PLCXD2: variants seen among roughly 807,000 people sequenced by gnomAD.
PLCXD2 encodes phosphatidylinositol specific phospholipase C X domain containing 2.
In PLCXD2, 21 loss-of-function variants were observed where a neutral mutation model predicts 28.6. The ratio of observed to expected loss-of-function variants is 0.73; its 90% confidence interval spans 0.52 to 1.06. The LOEUF is 1.06. Ranked by LOEUF, PLCXD2 falls within the 50% of genes least tolerant of loss-of-function variation. PLCXD2 has a pLI of 0.00. For missense variants in PLCXD2, 369 were observed against 376.7 expected (o/e 0.98, Z 0.17); for synonymous variants, 140 against 150.1 (o/e 0.93, Z 0.49).
At chr3:111,690,167 C>T (rs1422295295) in intron 1 of PLCXD2, among the ~76,000 whole-genome samples, 1 of 152,168 alleles carries the variant, frequency 6.6e-6, no homozygotes, top group East Asian at 1.9e-4. Context: ...CATTTAATTG[C>T]ATTTGAATAA....
chr3:111,722,189 T>G (rs1229095875), intron 3 of PLCXD2: 1 of 151,528 alleles, frequency 6.6e-6, no homozygotes, highest in Admixed American at 6.6e-5. Context: ...TTTGATTTAT[T>G]TATTTATTTA....
intron 1 of PLCXD2, among the ~76,000 whole-genome samples, chr3:111,690,976 T>C (rs1940869092): frequency 6.6e-6 from 1 of 152,186 alleles, no homozygotes; most frequent in African/African-American, 2.4e-5. Flanking sequence ...ACATAAATGC[T>C]AAACAATAAG....
intron 1 of PLCXD2, among the ~76,000 whole-genome samples, chr3:111,688,029 G>T (rs1940821880): frequency 6.6e-6 from 1 of 152,116 alleles, no homozygotes; most frequent in East Asian, 1.9e-4. Context: ...GAGGCACTAT[G>T]AAAAAGTAGT....
At chr3:111,714,192 T>C in intron 3 of PLCXD2, 64 bp downstream of exon 3, 1 of 1,532,086 alleles carries the variant, frequency 6.5e-7, no homozygotes, top group Non-Finnish European at 8.8e-7. Flanking sequence ...GATTCTATTC[T>C]GAGTAAATCG....
chr3:111,685,828 G>C (rs1041001992), intron 1 of PLCXD2, among the ~76,000 whole-genome samples: 1 of 152,164 alleles, frequency 6.6e-6, no homozygotes. Context: ...TTTGGAGTAG[G>C]GATTGGGGTC....
rs1559796591 is a variant in PLCXD2, at chr3:111,708,309, G to GC, written c.549dup (p.Phe184LeufsTer70). The GC allele has an allele frequency of 6.2e-7, 1 of 1,614,162 alleles. No homozygotes were observed. On this transcript the variant is annotated frameshift_variant, in exon 2 of 5. Coordinates refer to ENST00000477665, the MANE Select transcript of PLCXD2 (RefSeq NM_001185106.1). LOFTEE classifies it high-confidence loss of function. ...ATGCCTGGTTCTGCGGATCCAGGAG[G>GC]CCTTTGGAAACAAGCTGTGCCCAGC... is the stretch of plus-strand genomic sequence containing the variant.
intron 1 of PLCXD2, among the ~76,000 whole-genome samples, chr3:111,706,707 C>T (rs1941123530): frequency 6.7e-6 from 1 of 149,488 alleles, no homozygotes; most frequent in African/African-American, 2.5e-5. Context: ...CCTGTAAAGG[C>T]ACACGTAGAC....
chr3:111,716,382 C>T (rs1403092753), intron 3 of PLCXD2, among the ~76,000 whole-genome samples: 1 of 152,178 alleles, frequency 6.6e-6, no homozygotes, highest in Non-Finnish European at 1.5e-5. Flanking sequence ...TATTTTCTTA[C>T]AAATGTAGAG....
In PLCXD2 at chr3:111,721,003, T is replaced by G. The variant is rs1941338080; in HGVS notation, c.866+6875T>G. On this transcript the variant is annotated intron_variant, in intron 3 of 4. Transcript: ENST00000477665. ...GAAGTAAGAGGAAGATGGCTTTTTT[T>G]TCTCCCTTCCTCACAGGGCCATTTA... is the stretch of plus-strand genomic sequence containing the variant. 6 of 402,992 alleles carry G rather than the reference T, an allele frequency of 1.5e-5. No individual in the cohort carries two copies. The East Asian group carries it at 2.1e-4, about 14-fold the overall frequency. The allele number at this position is 402,992 out of a possible 1,614,324, so 25.0% of individuals were successfully genotyped here. A position where few individuals can be genotyped will look rare whatever the true frequency, so the allele number is the denominator to read the frequency against.
chr3:111,687,145 C>T (rs2107843708), intron 1 of PLCXD2, among the ~76,000 whole-genome samples: 1 of 152,292 alleles, frequency 6.6e-6, no homozygotes, highest in South Asian at 2.1e-4. Flanking sequence ...ATTCCAGAAA[C>T]TAAGTTTGGA....
At chr3:111,676,014 A>G (rs1371924960) in intron 1 of PLCXD2, among the ~76,000 whole-genome samples, 3 of 152,184 alleles carry the variant, frequency 2.0e-5, no homozygotes, top group African/African-American at 4.8e-5. Context: ...CTCTGTATGT[A>G]TGTATGTATA....
chr3:111,691,075 G>A (rs961905310), intron 1 of PLCXD2, among the ~76,000 whole-genome samples: 1 of 140,684 alleles, frequency 7.1e-6, no homozygotes, highest in Non-Finnish European at 1.6e-5. Context: ...TGAGCAGAAA[G>A]AAGGTCTCCA....
At chr3:111,717,866 T>C (rs1484930783) in intron 3 of PLCXD2, among the ~76,000 whole-genome samples, 1 of 152,162 alleles carries the variant, frequency 6.6e-6, no homozygotes, top group Non-Finnish European at 1.5e-5. Context: ...ATTTGCAGCT[T>C]CTCACTTCCA....
At chr3:111,704,893 A>G (rs1576460540) in intron 1 of PLCXD2, among the ~76,000 whole-genome samples, 1 of 151,734 alleles carries the variant, frequency 6.6e-6, no homozygotes, top group Non-Finnish European at 1.5e-5. Flanking sequence ...GCTCACTGCA[A>G]CCTCTGCCTC....
chr3:111,715,459 G>A (rs148766585), intron 3 of PLCXD2, among the ~76,000 whole-genome samples: 2 of 152,220 alleles, frequency 1.3e-5, no homozygotes, highest in East Asian at 3.9e-4. Flanking sequence ...AGCAGAAACT[G>A]GCATGAAAAT....
Position 111,700,011 on chromosome 3 carries a change from A to T in PLCXD2, c.164-7915A>T, listed in dbSNP as rs924975786. Among the ~76,000 whole-genome samples, 9 of 152,306 alleles carry T rather than the reference A, an allele frequency of 5.9e-5. No homozygotes were observed. The East Asian group carries it at 1.7e-3, about 29-fold the overall frequency. On this transcript the variant is annotated intron_variant, in intron 1 of 4. Coordinates refer to ENST00000477665, the MANE Select transcript of PLCXD2 (RefSeq NM_001185106.1). ...CCCAGAAATCAGAGAACTTTTGGGA[A>T]ACTATAATCTTACATTTGTGGCTGT...
At chr3:111,723,816 T>A (rs1208577587) in intron 3 of PLCXD2, 2 of 152,204 alleles carry the variant, frequency 1.3e-5, no homozygotes, top group Admixed American at 6.5e-5. Context: ...CCCAACCACA[T>A]CACTTATTCT....
At chr3:111,686,161 G>T (rs565838919) in intron 1 of PLCXD2, among the ~76,000 whole-genome samples, 1 of 152,288 alleles carries the variant, frequency 6.6e-6, no homozygotes, top group Admixed American at 6.5e-5. Context: ...TGAAAGTATT[G>T]CAGGTCTAAA....
chr3:111,686,947 A>G (rs1275219695), intron 1 of PLCXD2, among the ~76,000 whole-genome samples: 2 of 152,166 alleles, frequency 1.3e-5, no homozygotes, highest in Non-Finnish European at 2.9e-5. Flanking sequence ...GAGCTAGGAA[A>G]CAGGTGCAAG....
Sources: allele counts gnomAD v4.1 joint callset (sites outside exome capture counted in the v4.1 genomes callset), GRCh38; gene constraint gnomAD v4.1.1; transcripts MANE v1.5; gene names NCBI Gene and HGNC (gene_info 2026-07-23, HGNC 2026-07-21).